PCSK5: variants seen among roughly 807,000 people sequenced by gnomAD.
PCSK5 encodes the protein proprotein convertase subtilisin/kexin type 5, also known as prohormone convertase 5.
In PCSK5, 129 loss-of-function variants were observed where a neutral mutation model predicts 233.2. That is an observed-to-expected ratio of 0.55 (90% CI 0.48 to 0.64). The LOEUF (loss-of-function observed/expected upper bound fraction) is 0.64, where lower values mean the gene tolerates loss of function less well. Among genes scored for constraint, PCSK5 ranks in the 30% least tolerant of loss-of-function variants. The pLI is 0.00. For synonymous variants in PCSK5, 825 were observed against 879.2 expected (o/e 0.94, Z 1.09); for missense variants, 2,076 against 2,430.1 (o/e 0.85, Z 3.06).
rs554288404 is a variant in PCSK5, at chr9:76,019,962, A to G, written c.412-3776A>G. 2.2e-4 allele frequency among the ~76,000 whole-genome samples: 34 copies of G among 152,376 alleles called. No individual in the cohort carries two copies. The South Asian group carries it at 5.2e-3, about 23-fold the overall frequency. On this transcript the variant is annotated intron_variant, in intron 3 of 37. Transcript: ENST00000674117. The stretch of plus-strand genomic sequence containing the variant: ...GCATTATTCAGAACTGAAAATACCT[A>G]CATTTACTATAAATATTTATCTTGC...
chr9:76,025,703 G>A (rs1828394977), intron 4 of PCSK5, among the ~76,000 whole-genome samples: 1 of 152,104 alleles, frequency 6.6e-6, no homozygotes, highest in Non-Finnish European at 1.5e-5. Flanking sequence ...TATTCCCTCT[G>A]AGACTTCTTT....
intron 36 of PCSK5, among the ~76,000 whole-genome samples, chr9:76,351,456 GAAA>G (rs751778595): frequency 5.2e-5 from 1 of 19,392 alleles, no homozygotes; most frequent in African/African-American, 2.1e-4. Flanking sequence ...AGGAAAGAAA[GAAA>G]GAAAGAAAGA....
chr9:76,148,163 A>G (rs1823522035), intron 10 of PCSK5, among the ~76,000 whole-genome samples: 1 of 151,414 alleles, frequency 6.6e-6, no homozygotes, highest in Non-Finnish European at 1.5e-5. Context: ...CGGAAGACCT[A>G]TTGTCTTCCT....
intron 3 of PCSK5, among the ~76,000 whole-genome samples, chr9:76,016,522 A>T (rs541325927): frequency 1.3e-5 from 2 of 152,340 alleles, no homozygotes; most frequent in South Asian, 4.1e-4. Flanking sequence ...CATATAAAAG[A>T]TAAGCTTGTT....
At chr9:76,309,322 A>G (rs1400571575) in intron 29 of PCSK5, among the ~76,000 whole-genome samples, 1 of 152,230 alleles carries the variant, frequency 6.6e-6, no homozygotes, top group Non-Finnish European at 1.5e-5. Context: ...TGCTTCATCT[A>G]TAAAAACAAA....
intron 2 of PCSK5, among the ~76,000 whole-genome samples, chr9:75,962,961 G>C (rs1218266693): frequency 1.3e-5 from 2 of 152,180 alleles, no homozygotes; most frequent in East Asian, 3.9e-4. Flanking sequence ...CCAATCACTA[G>C]CTGTGGGAAC....
In PCSK5 at chr9:76,046,564, T is replaced by TC. The variant is rs1310690113; in HGVS notation, c.632+19527_632+19528insC. ...CTTTTTTTTTCTTTCTTTTTCTTTT[T>TC]TTTTTTTTTTTTTTGAGACGGAGTG... On this transcript the variant is annotated intron_variant, in intron 5 of 37. Coordinates refer to ENST00000674117, the MANE Select transcript of PCSK5 (RefSeq NM_001372043.1). Among the ~76,000 whole-genome samples the TC allele has an allele frequency of 9.2e-3, 1,253 of 136,100 alleles. 8 individuals carry two copies. The highest frequency in any genetic ancestry group is 0.014 in the Non-Finnish European group (868 of 63,988). The allele number at this position is 136,100 out of a possible 152,430, so 89.3% of individuals were successfully genotyped here.
chr9:76,023,327 A>C, intron 3 of PCSK5, among the ~76,000 whole-genome samples: 1 of 152,076 alleles, frequency 6.6e-6, no homozygotes, highest in Admixed American at 6.5e-5. Context: ...ATGTTTTTAC[A>C]CTAGTAGACA....
At chr9:76,088,555 T>C (rs1240264326) in intron 7 of PCSK5, among the ~76,000 whole-genome samples, 7 of 152,240 alleles carry the variant, frequency 4.6e-5, no homozygotes, top group Non-Finnish European at 1.0e-4. Context: ...TCATATTGTC[T>C]CATTCAAGTT....
At chr9:76,261,378 G>A (rs938877223) in intron 24 of PCSK5, among the ~76,000 whole-genome samples, 2 of 152,142 alleles carry the variant, frequency 1.3e-5, no homozygotes, top group Admixed American at 1.3e-4. Context: ...AAACCCTAAA[G>A]ACACTGCCAA....
intron 7 of PCSK5, among the ~76,000 whole-genome samples, chr9:76,084,217 A>G (rs1416464764): frequency 1.3e-5 from 2 of 152,244 alleles, no homozygotes; most frequent in African/African-American, 4.8e-5. Flanking sequence ...TGTGTTTTTC[A>G]TAAATACATA....
intron 20 of PCSK5, among the ~76,000 whole-genome samples, chr9:76,216,502 A>T (rs1470845553): frequency 6.6e-6 from 1 of 152,176 alleles, no homozygotes; most frequent in Non-Finnish European, 1.5e-5. Flanking sequence ...AAACAATATT[A>T]TATTACTCTC....
chr9:76,240,749 T>C, intron 24 of PCSK5, 65 bp downstream of exon 24: 3 of 1,116,136 alleles, frequency 2.7e-6, no homozygotes, highest in Non-Finnish European at 4.0e-6. Context: ...CACATCTTCA[T>C]CCTGTCATTG....
chr9:76,174,718 GTT>G (rs1823493458), intron 13 of PCSK5, among the ~76,000 whole-genome samples: 1 of 152,172 alleles, frequency 6.6e-6, no homozygotes, highest in South Asian at 2.1e-4. Context: ...TCTGAAGTGT[GTT>G]TGTTTCTCAG....
rs1023549285 is a variant in PCSK5, at chr9:76,240,480, C to T, written c.3074-136C>T. The T allele has an allele frequency of 5.4e-5, 35 of 653,576 alleles. 1 individual carries two copies. Among genetic ancestry groups the T allele is most frequent in the South Asian group, 3.7e-4 (20 of 53,368 alleles). 40.5% of individuals were successfully genotyped at this position (653,576 alleles called of 1,614,324 possible). Reference sequence around the variant, plus strand: ...AAAAAGTAGAAACCACATATATCCTCGAGGACGGTTTTGGGCTTCATAATT... The same window carrying T: ...AAAAAGTAGAAACCACATATATCCTTGAGGACGGTTTTGGGCTTCATAATT... On this transcript the variant is annotated intron_variant, in intron 23 of 37. Transcript: ENST00000674117.
At chr9:76,157,631 C>G (rs950709935) in intron 11 of PCSK5, among the ~76,000 whole-genome samples, 1 of 151,904 alleles carries the variant, frequency 6.6e-6, no homozygotes, top group African/African-American at 2.4e-5. Flanking sequence ...GGTTTGCCAA[C>G]AGGATTCTAT....
At chr9:76,296,902 G>T in intron 27 of PCSK5, 37 bp downstream of exon 27, 3 of 1,352,552 alleles carry the variant, frequency 2.2e-6, no homozygotes, top group Non-Finnish European at 3.2e-6. Flanking sequence ...CAGGGGTCTA[G>T]CGACCTACTC....
intron 36 of PCSK5, among the ~76,000 whole-genome samples, chr9:76,351,959 C>T (rs1235481029): frequency 6.6e-6 from 1 of 152,026 alleles, no homozygotes; most frequent in East Asian, 1.9e-4. Flanking sequence ...CTGTGGTCAC[C>T]AGAAAGATGC....
At chr9:76,124,741 A>C (rs1215700160) in intron 9 of PCSK5, among the ~76,000 whole-genome samples, 1 of 91,320 alleles carries the variant, frequency 1.1e-5, no homozygotes, top group Non-Finnish European at 2.2e-5. Flanking sequence ...GCAAGACTCC[A>C]TCTCAAAAAA....
Sources: gnomAD v4.1 joint callset for allele counts (sites outside exome capture counted in the v4.1 genomes callset) on GRCh38, gnomAD v4.1.1 for gene constraint, MANE v1.5 for transcripts, NCBI Gene and HGNC (gene_info 2026-07-23, HGNC 2026-07-21) for gene names.